Variants in NAALAD2 observed in about 807,000 individuals in gnomAD.
NAALAD2 encodes the protein N-acetylated-alpha-linked acidic dipeptidase 2.
In NAALAD2, 89 loss-of-function variants were observed where a neutral mutation model predicts 95.6. That is an observed-to-expected ratio of 0.93 (90% CI 0.78 to 1.11). The LOEUF is 1.11. NAALAD2 is among the 50% of genes least tolerant of loss of function. The pLI is 0.00. For missense variants in NAALAD2, 894 were observed against 872.4 expected, an observed-to-expected ratio of 1.02 and a Z score of -0.31; for synonymous variants, 264 against 294.4, an observed-to-expected ratio of 0.90 and a Z score of 1.06.
chr11:90,147,491 C>G lies in NAALAD2; in HGVS notation c.356C>G (p.Ser119Trp), dbSNP rs760348318. ...AATGAGACAAATGCCAACTATATATCGATTGTGGATGAACATGAAACTGAG... is the reference window on the plus strand; with the variant it reads ...AATGAGACAAATGCCAACTATATATGGATTGTGGATGAACATGAAACTGAG... ...YPNETNANYI[S>W]IVDEHETEIF... is the part of the protein sequence containing the mutation. The change falls in exon 3 of 19, where the codon TCG becomes TGG. Residue 119 changes from serine (S) to tryptophan (W), a missense_variant. By Grantham distance (177) the Ser-to-Trp change is radical. Transcript: ENST00000534061. 1.9e-6 allele frequency: 3 copies of G among 1,608,764 alleles called. No individual in the cohort carries two copies. The highest frequency in any genetic ancestry group is 2.5e-6 in the Non-Finnish European group (3 of 1,177,960).
intron 6 of NAALAD2, among the ~76,000 whole-genome samples, chr11:90,156,404 T>C (rs1473092780): frequency 6.6e-6 from 1 of 152,116 alleles, no homozygotes; most frequent in African/African-American, 2.4e-5. Context: ...ATTTATCATG[T>C]GCTTTCTCCT....
chr11:90,149,717 C>T (rs1338561484), intron 4 of NAALAD2, among the ~76,000 whole-genome samples: 1 of 151,970 alleles, frequency 6.6e-6, no homozygotes, highest in Non-Finnish European at 1.5e-5. Flanking sequence ...GGATTACAGG[C>T]GTGAGCTACC....
chr11:90,169,061 T>A (rs1184993129), intron 12 of NAALAD2, 69 bp downstream of exon 12: 15 of 1,094,770 alleles, frequency 1.4e-5, no homozygotes, highest in Non-Finnish European at 1.9e-5. Context: ...CTTTTATTAT[T>A]GAGTAGAATA....
intron 8 of NAALAD2, 160 bp from the exon 9 acceptor site, chr11:90,162,789 T>A (rs1486508749): frequency 6.4e-6 from 3 of 471,544 alleles, no homozygotes; most frequent in African/African-American, 6.1e-5. Context: ...TCAACAGTGT[T>A]AACAATTATT....
At chr11:90,137,870 T>G (rs1318667491) in intron 2 of NAALAD2, among the ~76,000 whole-genome samples, 4 of 152,070 alleles carry the variant, frequency 2.6e-5, no homozygotes, top group Non-Finnish European at 4.4e-5. Context: ...CTCGAACTCA[T>G]GAGCTCAAGT....
chr11:90,162,783 C>A, intron 8 of NAALAD2, 166 bp from the exon 9 acceptor site: 1 of 445,330 alleles, frequency 2.2e-6, no homozygotes, highest in Non-Finnish European at 4.0e-6. Context: ...AATGCTTCAA[C>A]AGTGTTAACA....
At chr11:90,183,090 A>G (rs748588244) in intron 18 of NAALAD2, 82 bp downstream of exon 18, 4 of 967,310 alleles carry the variant, frequency 4.1e-6, no homozygotes, top group Non-Finnish European at 6.7e-6. Flanking sequence ...ATGCCATTAG[A>G]TGGGTGAAAG....
chr11:90,165,442 G>A (rs1343249282), intron 11 of NAALAD2, among the ~76,000 whole-genome samples: 11 of 152,090 alleles, frequency 7.2e-5, no homozygotes, highest in Admixed American at 5.2e-4. Context: ...AGATTTTATA[G>A]AGCTGTTTTA....
intron 2 of NAALAD2, among the ~76,000 whole-genome samples, chr11:90,136,836 A>T (rs11826890): frequency 1.3e-5 from 2 of 152,106 alleles, no homozygotes; most frequent in Non-Finnish European, 2.9e-5. Flanking sequence ...AATGCCTAAG[A>T]TAAGTGAAAA....
At chr11:90,189,538 G>A (rs1438756222) in intron 18 of NAALAD2, among the ~76,000 whole-genome samples, 1 of 152,144 alleles carries the variant, frequency 6.6e-6, no homozygotes, top group African/African-American at 2.4e-5. Context: ...GGAGGTTAAG[G>A]CGGGTGGATT....
chr11:90,148,919 C>T (rs1951818579), intron 3 of NAALAD2, 87 bp from the exon 4 acceptor site: 1 of 710,348 alleles, frequency 1.4e-6, no homozygotes, highest in Non-Finnish European at 2.4e-6. Flanking sequence ...GATGCTTAAT[C>T]TGAAGTATAT....
intron 11 of NAALAD2, among the ~76,000 whole-genome samples, chr11:90,167,380 G>A (rs1180364123): frequency 6.6e-6 from 1 of 152,204 alleles, no homozygotes; most frequent in Admixed American, 6.5e-5. Flanking sequence ...CTGCCTCCCC[G>A]CAGGGCAGGG....
intron 18 of NAALAD2, among the ~76,000 whole-genome samples, chr11:90,185,344 G>C (rs924413249): frequency 6.6e-6 from 1 of 151,606 alleles, no homozygotes; most frequent in Non-Finnish European, 1.5e-5. Context: ...TAATGTATGG[G>C]ACCATACGTT....
intron 2 of NAALAD2, among the ~76,000 whole-genome samples, chr11:90,138,704 A>G (rs1167313018): frequency 7.5e-6 from 1 of 133,672 alleles, no homozygotes; most frequent in African/African-American, 2.9e-5. Flanking sequence ...GATTACTATC[A>G]TGAAACCCTT....
rs769594482 is a variant in NAALAD2 at position 90,181,735 on chromosome 11, A to T, written c.1940+34A>T. The stretch of plus-strand genomic sequence containing the variant: ...CAAATCCCTTTTTTTTTAAAAAAAA[A>T]AAAAAAAGCAATCTGGTTACTAGAA... On this transcript the variant is annotated intron_variant, in intron 17 of 18. Coordinates refer to ENST00000534061, the MANE Select transcript of NAALAD2 (RefSeq NM_005467.4). 19 of 1,316,992 alleles carry T rather than the reference A, an allele frequency of 1.4e-5. No homozygotes were observed. The Admixed American group carries it at 3.6e-4, about 25-fold the overall frequency. The allele number at this position is 1,316,992 out of a possible 1,614,324, so 81.6% of individuals were successfully genotyped here.
rs1231125881 is a variant in NAALAD2, at chr11:90,181,643, A to C, written c.1882A>C (p.Asn628His). The C allele has an allele frequency of 6.2e-7, 1 of 1,607,024 alleles. No homozygotes were observed. Among genetic ancestry groups the C allele is most frequent in the South Asian group, 1.1e-5 (1 of 90,000 alleles). The change falls in exon 17 of 19, where the codon AAC (asparagine) becomes CAC (histidine). Residue 628 changes from asparagine (N) to histidine (H), a missense_variant. By Grantham distance (68) the Asn-to-His change is moderately conservative. Coordinates refer to ENST00000534061, the MANE Select transcript of NAALAD2 (RefSeq NM_005467.4). The part of the protein sequence containing the change: ...SFDSLFSAVK[N>H]FSEAASDFHK... ...AGACTCCTTATTTTCTGCTGTGAAA[A>C]ACTTCTCAGAGGCTGCTTCAGATTT...
chr11:90,170,886 G>A (rs1952613331), intron 13 of NAALAD2, among the ~76,000 whole-genome samples: 1 of 152,170 alleles, frequency 6.6e-6, no homozygotes, highest in Admixed American at 6.5e-5. Context: ...AAAGGCGTTG[G>A]TGGGAAAGAT....
chr11:90,145,657 T>A (rs191712127), intron 2 of NAALAD2, among the ~76,000 whole-genome samples: 1 of 152,276 alleles, frequency 6.6e-6, no homozygotes, highest in Non-Finnish European at 1.5e-5. Flanking sequence ...AAGATGATGC[T>A]TGAAGAGTCC....
At chr11:90,160,108 G>T (rs568297943) in intron 8 of NAALAD2, among the ~76,000 whole-genome samples, 3 of 151,996 alleles carry the variant, frequency 2.0e-5, no homozygotes, top group Admixed American at 2.0e-4. Context: ...AGCCTCAATA[G>T]AATTAATATT....
Sources: allele counts gnomAD v4.1 joint callset (sites outside exome capture counted in the v4.1 genomes callset), GRCh38; gene constraint gnomAD v4.1.1; transcripts MANE v1.5; gene names NCBI Gene and HGNC (gene_info 2026-07-23, HGNC 2026-07-21).